Variants in PRKD2 observed in about 807,000 individuals in gnomAD.
PRKD2 encodes the protein serine/threonine-protein kinase D2.
In PRKD2, 22 loss-of-function variants were observed where a neutral mutation model predicts 86.0. The observed-to-expected ratio is 0.26, with a 90% CI of 0.18 to 0.37. The LOEUF (loss-of-function observed/expected upper bound fraction) is 0.37, where lower values mean the gene tolerates loss of function less well. Among genes scored for constraint, PRKD2 ranks in the 10% least tolerant of loss-of-function variants. The probability of loss-of-function intolerance (pLI) is 1.00; values close to 1 mark genes in which losing one functional copy is unlikely to be tolerated. For synonymous variants in PRKD2, 509 were observed against 510.9 expected (o/e 1.00, Z 0.05); for missense variants, 818 against 1,199.2 (o/e 0.68, Z 4.70).
intron 9 of PRKD2, among the ~76,000 whole-genome samples, chr19:46,696,130 C>T (rs2053553799): frequency 1.3e-5 from 2 of 152,144 alleles, no homozygotes; most frequent in Admixed American, 1.3e-4. Context: ...TGAGCCACCA[C>T]GCCTGGCCAA....
At position 46,693,509 on chromosome 19, in the gene PRKD2, C is replaced by G. The variant is rs1461681050; in HGVS notation, c.1576+366G>C. 1.3e-5 allele frequency among the ~76,000 whole-genome samples: 2 copies of G among 152,072 alleles called. No individual in the cohort carries two copies. The highest frequency in any genetic ancestry group is 2.1e-4 in the South Asian group (1 of 4,836). ...TCACCCAGACTGGAGTGCAGTGATG[C>G]AATCATGACTCACTACTCCCAGGCT... On this transcript the variant is annotated intron_variant, in intron 10 of 17. Transcript: ENST00000291281. This position sits in a 1 kb window ranked among gnomAD's most constrained non-coding sequence, Gnocchi z 4.5.
intron 14 of PRKD2, among the ~76,000 whole-genome samples, chr19:46,683,475 A>G (rs1161788311): frequency 6.6e-6 from 1 of 152,160 alleles, no homozygotes; most frequent in African/African-American, 2.4e-5. Flanking sequence ...TAATCTCAGC[A>G]CTTTGGAAGG....
chr19:46,714,209 G>A (rs2053850761), intron 1 of PRKD2: 1 of 1,326,422 alleles, frequency 7.5e-7, no homozygotes, highest in Non-Finnish European at 9.7e-7. Context: ...GGGGGCGCCG[G>A]CGTGGGTTTG....
chr19:46,681,607 G>GT, intron 15 of PRKD2, 43 bp downstream of exon 15: 1 of 373,400 alleles, frequency 2.7e-6, no homozygotes, highest in Non-Finnish European at 5.3e-6. Context: ...CCGGCCATCA[G>GT]TGTTGCCTGG....
intron 7 of PRKD2, among the ~76,000 whole-genome samples, chr19:46,700,179 T>C (rs2053616626): frequency 6.6e-6 from 1 of 151,978 alleles, no homozygotes; most frequent in African/African-American, 2.4e-5. Context: ...GAGGTTGCAA[T>C]GAACTGAAAT....
intron 5 of PRKD2, among the ~76,000 whole-genome samples, chr19:46,703,393 G>A (rs1451700485): frequency 7.9e-5 from 12 of 152,074 alleles, no homozygotes; most frequent in African/African-American, 1.9e-4. Context: ...TTGGGAGGCC[G>A]AGGTAGGAGG....
intron 15 of PRKD2, among the ~76,000 whole-genome samples, chr19:46,680,941 T>TA (rs1386572855): frequency 3.3e-5 from 2 of 59,828 alleles, no homozygotes; most frequent in Non-Finnish European, 6.7e-5. Flanking sequence ...TATATATATA[T>TA]ATATATTTTT....
At chr19:46,699,393 G>A (rs1179514744) in intron 7 of PRKD2, among the ~76,000 whole-genome samples, 1 of 152,170 alleles carries the variant, frequency 6.6e-6, no homozygotes, top group African/African-American at 2.4e-5. Context: ...GCTCCAGAAG[G>A]GCAGACTTTT....
At chr19:46,694,773 A>G (rs2122688475) in intron 9 of PRKD2, among the ~76,000 whole-genome samples, 1 of 151,918 alleles carries the variant, frequency 6.6e-6, no homozygotes, top group South Asian at 2.1e-4. Context: ...TGGACATAGT[A>G]AAAGCTTGAT....
At chr19:46,676,430 C>A (rs1225447258) in intron 16 of PRKD2, among the ~76,000 whole-genome samples, 2 of 151,992 alleles carry the variant, frequency 1.3e-5, no homozygotes, top group Non-Finnish European at 2.9e-5. Flanking sequence ...CGTCTCAAAA[C>A]AAAACAAAAC....
At position 46,682,868 on chromosome 19, in the gene PRKD2, C is replaced by T. The variant is rs145100595; in HGVS notation, c.1972-1120G>A. 1.7e-3 allele frequency among the ~76,000 whole-genome samples: 252 copies of T among 151,504 alleles called. 2 individuals carry two copies. Among genetic ancestry groups the T allele is most frequent in the African/African-American group, 5.5e-3 (226 of 41,322 alleles). ...TATAGGCACACACCATCACACCTGA[C>T]TAATTTTTGTATTTGTAGAGACAGT... is the stretch of plus-strand genomic sequence containing the variant. On this transcript the variant is annotated intron_variant, in intron 14 of 17. Transcript: ENST00000291281.
In PRKD2 at chr19:46,693,971, C is replaced by T. The variant is rs140899472; in HGVS notation, c.1480G>A (p.Ala494Thr). The change falls in exon 10 of 18, where the codon GCT becomes ACT. Residue 494 changes from alanine (A) to threonine (T), a missense_variant. Physicochemically the swap from Ala to Thr is moderately conservative, Grantham distance 58 (BLOSUM62 0). Around this residue, in one of 5 missense-constraint regions of PRKD2, gnomAD observed 127 missense variants for 157.8 expected, o/e 0.80. Transcript: ENST00000291281. The surrounding 1 kb of genome is among the most constrained non-coding windows in gnomAD (Gnocchi z 4.5). ...GTPGGPSGQG[A>T]EAARGWETAI... The stretch of plus-strand genomic sequence containing the variant: ...GTCTCCCAGCCCCGGGCGGCCTCAG[C>T]CCCCTGCCCACTTGGCCCACCCGGA... The T allele has an allele frequency of 1.1e-4, 170 of 1,612,918 alleles. No homozygotes were observed. The African/African-American group carries it at 1.3e-3, about 12-fold the overall frequency.
rs372668152 is a variant in PRKD2, at chr19:46,675,687, C to T, written c.2339-569G>A. 8.5e-5 allele frequency among the ~76,000 whole-genome samples: 13 copies of T among 152,158 alleles called. No individual in the cohort carries two copies. In the South Asian group the frequency reaches 1.9e-3, roughly 22 times the overall value. ...CTCTAACTCCTGACCTCAAGCAATC[C>T]GCCTGCCTTGGCCTCCCAAATTGTT... On this transcript the variant is annotated intron_variant, in intron 16 of 17. Coordinates refer to ENST00000291281, the MANE Select transcript of PRKD2 (RefSeq NM_016457.5).
intron 5 of PRKD2, 129 bp downstream of exon 5, chr19:46,704,040 G>T: frequency 7.4e-7 from 1 of 1,355,086 alleles, no homozygotes; most frequent in Non-Finnish European, 9.9e-7. Flanking sequence ...AGAACACTAG[G>T]ATTCAGGGCC....
Position 46,700,956 on chromosome 19 carries a change from T to A in PRKD2, c.968-4A>T, listed in dbSNP as rs767153523. ...GTGGCCTCCTCCATCGGCACATCTG[T>A]GGGGACGGAGGCATCAGAGGGGTCT... On this transcript the variant is annotated splice_polypyrimidine_tract_variant and splice_region_variant and intron_variant, in intron 6 of 17. Transcript: ENST00000291281. 9 of 1,614,122 alleles carry A rather than the reference T, an allele frequency of 5.6e-6. No individual in the cohort carries two copies. The African/African-American group carries it at 1.1e-4, about 19-fold the overall frequency.
chr19:46,697,261 G>A (rs2053573242), intron 8 of PRKD2, 27 bp from the exon 9 acceptor site: 1 of 1,522,694 alleles, frequency 6.6e-7, no homozygotes. Flanking sequence ...AGAGTCACGT[G>A]AACCGCCAGA....
In PRKD2 at chr19:46,701,031, T is replaced by C; in HGVS notation, c.967+4A>G. The C allele has an allele frequency of 6.2e-7, 1 of 1,614,154 alleles. No homozygotes were observed. Among genetic ancestry groups the C allele is most frequent in the Non-Finnish European group, 8.5e-7 (1 of 1,180,018 alleles). ...TTCTCCCCAGCATCCCCCCAGCCTC[T>C]CACCTCCATTGATAAGGGCCTCCCC... On this transcript the variant is annotated splice_donor_region_variant and intron_variant, in intron 6 of 17. Transcript: ENST00000291281.
Position 46,690,666 on chromosome 19 carries a change from G to T in PRKD2, c.1743C>A (p.Val581=). The change falls in exon 13 of 18, where the codon GTC becomes GTA. Residue 581 remains valine, a synonymous_variant. Coordinates refer to ENST00000291281, the MANE Select transcript of PRKD2 (RefSeq NM_016457.5). Reference sequence around the variant, plus strand: ...TGGTAGGGAAGCGCAGTTTGTCAATGACCTTAACTGCCACGTCCCGGCCTG... The same window carrying T: ...TGGTAGGGAAGCGCAGTTTGTCAATTACCTTAACTGCCACGTCCCGGCCTG... The part of the protein sequence containing the change: ...RKTGRDVAVK[V]IDKLRFPTKQ... 6.2e-7 allele frequency: 1 copy of T among 1,614,170 alleles called. No homozygotes were observed. Among genetic ancestry groups the T allele is most frequent in the South Asian group, 1.1e-5 (1 of 91,068 alleles).
chr19:46,712,698 GTCAT>G (rs1291210990), intron 2 of PRKD2, among the ~76,000 whole-genome samples: 1 of 152,214 alleles, frequency 6.6e-6, no homozygotes, highest in African/African-American at 2.4e-5. Flanking sequence ...CCAGACTTCT[GTCAT>G]TCATTCATTG....
Sources: gnomAD v4.1 joint callset for allele counts (sites outside exome capture counted in the v4.1 genomes callset) on GRCh38, gnomAD v4.1.1 for gene constraint, gnomAD v4.1.1 regional missense constraint, Gnocchi (gnomAD v3.1) non-coding constraint, MANE v1.5 for transcripts, NCBI Gene and HGNC (gene_info 2026-07-23, HGNC 2026-07-21) for gene names.